The following NBAS variants were observed in gnomAD, a reference collection of about 807,000 sequenced individuals.
NBAS encodes the protein NBAS subunit of NRZ tethering complex, also known as NAG/BC035112 fusion.
A neutral mutation model predicts 302.5 loss-of-function variants in NBAS; 219 were observed. That is an observed-to-expected ratio of 0.72 (90% CI 0.65 to 0.81). The LOEUF (loss-of-function observed/expected upper bound fraction) is 0.81. NBAS is among the 30% of genes least tolerant of loss of function. The pLI, the probability that NBAS is intolerant of heterozygous loss-of-function variation, is 0.00. For synonymous variants in NBAS, 1,118 were observed against 1,021.6 expected, an observed-to-expected ratio of 1.09 and a Z score of -1.80; for missense variants, 2,932 against 2,841.6, an observed-to-expected ratio of 1.03 and a Z score of -0.72.
At chr2:14,886,699 T>C in the NBAS span, 1 of 152,364 alleles carries the variant, frequency 6.6e-6, no homozygotes, top group East Asian at 1.9e-4. Flanking sequence ...CAAACTCTAT[T>C]ACCATTCTTT....
the NBAS span, among the ~76,000 whole-genome samples, chr2:14,954,140 C>A: frequency 1.3e-5 from 2 of 152,156 alleles, no homozygotes; most frequent in African/African-American, 4.8e-5. Flanking sequence ...GAAATTATCT[C>A]ATAAATCTGT....
At chr2:15,105,357 T>C in the NBAS span, among the ~76,000 whole-genome samples, 59 of 152,088 alleles carry the variant, frequency 3.9e-4, no homozygotes, top group African/African-American at 1.4e-3. Flanking sequence ...TGTATACCTA[T>C]GTAACAAACC....
intron 40 of NBAS, among the ~76,000 whole-genome samples, chr2:15,294,469 C>T (rs1670457153): frequency 1.3e-5 from 2 of 152,192 alleles, no homozygotes; most frequent in Non-Finnish European, 2.9e-5. Flanking sequence ...ATGCCGTGCC[C>T]CAGCTCTTAG....
the NBAS span, among the ~76,000 whole-genome samples, chr2:15,135,545 TGG>T: frequency 1.3e-5 from 2 of 151,664 alleles, no homozygotes; most frequent in African/African-American, 2.4e-5. Context: ...GAGTGAGCAG[TGG>T]GGTTGGTTGG....
chr2:14,856,940 GA>G, the NBAS span, among the ~76,000 whole-genome samples: 263 of 152,162 alleles, frequency 1.7e-3, no homozygotes, highest in African/African-American at 6.1e-3. Context: ...GACTTCACAA[GA>G]AAACTATGAG....
At chr2:15,093,063 C>G in the NBAS span, among the ~76,000 whole-genome samples, 1 of 152,180 alleles carries the variant, frequency 6.6e-6, no homozygotes, top group South Asian at 2.1e-4. Flanking sequence ...TGAGCCTGCT[C>G]TGGCACCTCT....
intron 9 of NBAS, among the ~76,000 whole-genome samples, chr2:15,529,563 T>G (rs1663118854): frequency 6.6e-6 from 1 of 151,936 alleles, no homozygotes; most frequent in African/African-American, 2.4e-5. Context: ...GGAAGAAACC[T>G]CACTTAAACA....
chr2:15,273,573 C>T (rs557984257), intron 44 of NBAS, among the ~76,000 whole-genome samples: 2 of 152,270 alleles, frequency 1.3e-5, no homozygotes, highest in South Asian at 4.2e-4. Context: ...TGCTAAGCCT[C>T]AGTTTGCTCA....
chr2:15,081,189 T>C, the NBAS span, among the ~76,000 whole-genome samples: 43 of 152,264 alleles, frequency 2.8e-4, 2 homozygotes, highest in Admixed American at 2.7e-3. Context: ...AGACTGAAGG[T>C]TGCAATGGGG....
At chr2:15,228,507 A>T (rs2147915530) in intron 47 of NBAS, among the ~76,000 whole-genome samples, 1 of 152,388 alleles carries the variant, frequency 6.6e-6, no homozygotes, top group Non-Finnish European at 1.5e-5. Flanking sequence ...AAAGGGAATA[A>T]CATCAGTATG....
chr2:15,081,624 CT>C, the NBAS span, among the ~76,000 whole-genome samples: 1 of 152,186 alleles, frequency 6.6e-6, no homozygotes, highest in Non-Finnish European at 1.5e-5. Context: ...CTTCTCCAGA[CT>C]TTTTTCACTA....
the NBAS span, among the ~76,000 whole-genome samples, chr2:14,796,300 T>A: frequency 6.6e-6 from 1 of 151,894 alleles, no homozygotes; most frequent in African/African-American, 2.4e-5. Flanking sequence ...ATTCTTCCTT[T>A]CCAAAGTTAT....
the NBAS span, among the ~76,000 whole-genome samples, chr2:15,060,247 C>T: frequency 2.2e-4 from 34 of 152,204 alleles, 1 homozygote; most frequent in South Asian, 4.6e-3. Context: ...AATCTCCATC[C>T]CCCCTGCCAT....
chr2:15,107,944 G>T, the NBAS span, among the ~76,000 whole-genome samples: 10 of 152,034 alleles, frequency 6.6e-5, no homozygotes, highest in Admixed American at 6.6e-4. Flanking sequence ...ATAGTATCTG[G>T]TCTTTTGTGT....
chr2:14,898,811 T>G, the NBAS span, among the ~76,000 whole-genome samples: 1 of 152,234 alleles, frequency 6.6e-6, no homozygotes, highest in Non-Finnish European at 1.5e-5. Flanking sequence ...CTCTTTCCTT[T>G]CTAAACTGTC....
chr2:15,374,086 A>G (rs1674614944), intron 31 of NBAS, among the ~76,000 whole-genome samples: 1 of 152,232 alleles, frequency 6.6e-6, no homozygotes. Flanking sequence ...ATATTCAAAT[A>G]AAAGAAGTTG....
At chr2:15,183,471 T>C (rs1010297009) in intron 50 of NBAS, among the ~76,000 whole-genome samples, 2 of 152,226 alleles carry the variant, frequency 1.3e-5, no homozygotes, top group Non-Finnish European at 2.9e-5. Flanking sequence ...TTGTCTCTCA[T>C]CCCGAGAGAA....
chr2:15,127,835 G>T, the NBAS span, among the ~76,000 whole-genome samples: 1 of 150,064 alleles, frequency 6.7e-6, no homozygotes, highest in Non-Finnish European at 1.5e-5. Context: ...ACATGCTAGA[G>T]CTGCAGCACT....
At chr2:15,068,316 G>A in the NBAS span, among the ~76,000 whole-genome samples, 33 of 152,158 alleles carry the variant, frequency 2.2e-4, no homozygotes, top group African/African-American at 8.0e-4. Context: ...TACATTCATC[G>A]ATGCCGAATT....
Sources: allele counts gnomAD v4.1 joint callset (sites outside exome capture counted in the v4.1 genomes callset), GRCh38; gene constraint gnomAD v4.1.1; transcripts MANE v1.5; gene names NCBI Gene and HGNC (gene_info 2026-07-23, HGNC 2026-07-21).